FAT3: variants seen among roughly 807,000 people sequenced by gnomAD.
FAT3 encodes FAT atypical cadherin 3, also known as protocadherin Fat 3.
FAT3 carries 95 observed loss-of-function variants against 310.2 expected under a neutral mutation model. The ratio of observed to expected loss-of-function variants is 0.31; its 90% CI spans 0.26 to 0.36. The LOEUF (loss-of-function observed/expected upper bound fraction) is 0.36. Ranked by LOEUF, FAT3 falls within the 10% of genes least tolerant of loss-of-function variation. FAT3 has a pLI of 1.00. For synonymous variants in FAT3, 2,314 were observed against 2,192.9 expected (o/e 1.06, Z -1.54); for missense variants, 5,408 against 5,715.6 (o/e 0.95, Z 1.74).
At chr11:92,861,634 A>G (rs1949125569) in intron 21 of FAT3, among the ~76,000 whole-genome samples, 1 of 152,186 alleles carries the variant, frequency 6.6e-6, no homozygotes, top group South Asian at 2.1e-4. Flanking sequence ...TTTGCTTTTC[A>G]TATGTTGGGT....
At chr11:92,680,070 A>T (rs1281831311) in intron 3 of FAT3, among the ~76,000 whole-genome samples, 2 of 149,804 alleles carry the variant, frequency 1.3e-5, no homozygotes, top group Non-Finnish European at 3.0e-5. Context: ...CACTCCATTT[A>T]TTACTTATTT....
rs570016924 is a variant in FAT3, at chr11:92,791,645, C to A, written c.4612-1122C>A. 3.9e-5 allele frequency among the ~76,000 whole-genome samples: 6 copies of A among 152,280 alleles called. No homozygotes were observed. In the South Asian group the frequency reaches 1.2e-3, roughly 32 times the overall value. Reference sequence around the variant, plus strand: ...CTTTTAGTCATTTTGCTTATTCCTCCTAGGTACTATTTCTGAAAACCCCTT... The same window carrying A: ...CTTTTAGTCATTTTGCTTATTCCTCATAGGTACTATTTCTGAAAACCCCTT... On this transcript the variant is annotated intron_variant, in intron 8 of 27. Transcript: ENST00000525166.
At chr11:92,573,646 C>T (rs917223761) in intron 3 of FAT3, among the ~76,000 whole-genome samples, 3 of 152,096 alleles carry the variant, frequency 2.0e-5, no homozygotes, top group African/African-American at 4.8e-5. Flanking sequence ...TAGAGCTACA[C>T]AGAGAGAAGA....
chr11:92,259,964 TC>T (rs1489015463), intron 1 of FAT3, among the ~76,000 whole-genome samples: 1 of 152,152 alleles, frequency 6.6e-6, no homozygotes, highest in Non-Finnish European at 1.5e-5. Context: ...CTCAAGTCTT[TC>T]AAAGATAAGA....
chr11:92,272,022 A>G (rs528240291), intron 1 of FAT3, among the ~76,000 whole-genome samples: 14 of 152,136 alleles, frequency 9.2e-5, no homozygotes, highest in Admixed American at 2.0e-4. Context: ...ATAAGAACTG[A>G]GACCAACTCT....
intron 1 of FAT3, among the ~76,000 whole-genome samples, chr11:92,285,875 T>C (rs2134378681): frequency 6.6e-6 from 1 of 152,202 alleles, no homozygotes; most frequent in East Asian, 1.9e-4. Context: ...TGGAGGATTG[T>C]ATATTTTGTT....
chr11:92,778,549 T>G (rs1374565257), intron 7 of FAT3, among the ~76,000 whole-genome samples: 1 of 152,194 alleles, frequency 6.6e-6, no homozygotes, highest in Non-Finnish European at 1.5e-5. Flanking sequence ...CCAAAACAGT[T>G]TGAGTTCCTA....
intron 1 of FAT3, among the ~76,000 whole-genome samples, chr11:92,324,448 G>C (rs907131505): frequency 6.6e-6 from 1 of 152,106 alleles, no homozygotes; most frequent in Non-Finnish European, 1.5e-5. Flanking sequence ...CAGGGAATAG[G>C]GAGGCCCGAG....
chr11:92,790,577 G>A (rs1947015839), intron 8 of FAT3, among the ~76,000 whole-genome samples: 1 of 152,174 alleles, frequency 6.6e-6, no homozygotes, highest in Non-Finnish European at 1.5e-5. Context: ...TCCTTAAGAA[G>A]TTAATCACAA....
rs149242017 is a variant in FAT3 at position 92,581,395 on chromosome 11, G to T, written c.3607+56447G>T. On this transcript the variant is annotated intron_variant, in intron 3 of 27. Coordinates refer to ENST00000525166, the MANE Select transcript of FAT3 (RefSeq NM_001367949.2). ...CAGACTCAGACTGATCCCCCACTGG[G>T]GTTTTGCTTACACTGGGGTGGTCCC... Among the ~76,000 whole-genome samples the T allele has an allele frequency of 1.4e-3, 210 of 151,564 alleles. 3 individuals carry two copies. The highest frequency in any genetic ancestry group is 4.8e-3 in the African/African-American group (195 of 40,998).
chr11:92,483,990 G>T (rs1202781988), intron 2 of FAT3, among the ~76,000 whole-genome samples: 2 of 152,168 alleles, frequency 1.3e-5, no homozygotes, highest in East Asian at 3.9e-4. Flanking sequence ...TCACATGAGG[G>T]TGCTATGTCA....
At chr11:92,435,244 ACATTCAGGGATG>A (rs1565314686) in intron 2 of FAT3, among the ~76,000 whole-genome samples, 1 of 152,142 alleles carries the variant, frequency 6.6e-6, no homozygotes, top group Non-Finnish European at 1.5e-5. Flanking sequence ...CTCAGAACTC[ACATTCAGGGATG>A]TCTGCCAGAG....
At chr11:92,732,793 C>T (rs1945220680) in intron 4 of FAT3, among the ~76,000 whole-genome samples, 2 of 152,184 alleles carry the variant, frequency 1.3e-5, no homozygotes, top group African/African-American at 2.4e-5. Flanking sequence ...CTAGGTTAAG[C>T]ACTAGAGGTT....
chr11:92,655,446 A>G (rs1241798291), intron 3 of FAT3, among the ~76,000 whole-genome samples: 1 of 152,184 alleles, frequency 6.6e-6, no homozygotes, highest in Non-Finnish European at 1.5e-5. Context: ...TAATTCCTCT[A>G]CATTTGTTTC....
chr11:92,774,401 A>G (rs536175213), intron 7 of FAT3, among the ~76,000 whole-genome samples: 15 of 152,354 alleles, frequency 9.8e-5, no homozygotes, highest in African/African-American at 3.4e-4. Flanking sequence ...TCATGCATGG[A>G]AAAATAATGC....
chr11:92,740,636 C>T (rs1945482055), intron 4 of FAT3, among the ~76,000 whole-genome samples: 1 of 152,146 alleles, frequency 6.6e-6, no homozygotes, highest in Non-Finnish European at 1.5e-5. Context: ...TATTGGATTT[C>T]TGAATCCATG....
rs971802104 is a variant in FAT3 at position 92,231,171 on chromosome 11, G to A, written c.-18+5997G>A. The stretch of plus-strand genomic sequence containing the variant: ...AATGTGTCTGGGAGCCTGCATGCAG[G>A]TGCACATGGTGTATTCTTAGTCCTC... On this transcript the variant is annotated intron_variant, in intron 1 of 27. Coordinates refer to ENST00000525166, the MANE Select transcript of FAT3 (RefSeq NM_001367949.2). Among the ~76,000 whole-genome samples the A allele has an allele frequency of 2.6e-5, 4 of 152,164 alleles. No homozygotes were observed. The East Asian group carries it at 5.8e-4, about 22-fold the overall frequency.
chr11:92,729,636 A>C (rs1339941489), intron 4 of FAT3, among the ~76,000 whole-genome samples: 1 of 151,890 alleles, frequency 6.6e-6, no homozygotes, highest in Non-Finnish European at 1.5e-5. Flanking sequence ...CATGTTGGCC[A>C]GGATGGTCTC....
chr11:92,438,108 A>G (rs1177124781), intron 2 of FAT3, among the ~76,000 whole-genome samples: 1 of 152,226 alleles, frequency 6.6e-6, no homozygotes, highest in Non-Finnish European at 1.5e-5. Context: ...ATAATGATTA[A>G]AAAACAAGAA....
Sources: allele counts gnomAD v4.1 joint callset (sites outside exome capture counted in the v4.1 genomes callset), GRCh38; gene constraint gnomAD v4.1.1; transcripts MANE v1.5; gene names NCBI Gene and HGNC (gene_info 2026-07-23, HGNC 2026-07-21).